The following KL variants were observed in gnomAD, a reference collection of about 807,000 sequenced individuals.
KL encodes klotho.
KL carries 62 observed loss-of-function variants against 84.2 expected under a neutral mutation model. The observed-to-expected ratio is 0.74, with a 90% confidence interval of 0.60 to 0.91. The LOEUF is 0.91. KL is among the 40% of genes least tolerant of loss of function. KL has a pLI of 0.00. For synonymous variants in KL, 528 were observed against 528.0 expected (o/e 1.00, Z 0.00); for missense variants, 1,261 against 1,305.7 (o/e 0.97, Z 0.53).
At chr13:33,044,640 C>CTTTTT (rs71071071) in intron 1 of KL, among the ~76,000 whole-genome samples, 654 of 52,714 alleles carry the variant, frequency 0.012, 188 homozygotes, top group Middle Eastern at 0.068. Context: ...AATTGATTTT[C>CTTTTT]TTTTTTTTTT....
In KL at chr13:33,024,513, G is replaced by A. The variant is rs73458901; in HGVS notation, c.819+7254G>A. On this transcript the variant is annotated intron_variant, in intron 1 of 4. Transcript: ENST00000380099. Reference sequence around the variant, plus strand: ...GAGTGGTTGGAGTTCTCCCTGTGCCGGACCCTGTAGAGAGTCCAGAGCCCT... The same window carrying A: ...GAGTGGTTGGAGTTCTCCCTGTGCCAGACCCTGTAGAGAGTCCAGAGCCCT... Among the ~76,000 whole-genome samples, 875 of 152,238 alleles carry A rather than the reference G, an allele frequency of 5.7e-3. 12 individuals carry two copies. The highest frequency in any genetic ancestry group is 0.02 in the African/African-American group (813 of 41,524).
At chr13:33,053,204 G>C (rs193025437) in intron 1 of KL, among the ~76,000 whole-genome samples, 5 of 152,192 alleles carry the variant, frequency 3.3e-5, no homozygotes, top group Admixed American at 2.6e-4. Context: ...AGATGCTGGA[G>C]TGGGTTCTTT....
At position 33,016,819 on chromosome 13, in the gene KL, G is replaced by T. The variant is rs959288076; in HGVS notation, c.379G>T (p.Asp127Tyr). 1 of 1,612,776 alleles carries T rather than the reference G, an allele frequency of 6.2e-7. No homozygotes were observed. Among genetic ancestry groups the T allele is most frequent in the Non-Finnish European group, 8.5e-7 (1 of 1,179,808 alleles). Reference protein sequence around the residue: ...LQPATGDVASDSYNNVFRDTE... With the variant: ...LQPATGDVASYSYNNVFRDTE... ...GCCCGCCACCGGGGACGTAGCCAGCGACAGCTACAACAACGTCTTCCGCGA... is the reference window on the plus strand; with the variant it reads ...GCCCGCCACCGGGGACGTAGCCAGCTACAGCTACAACAACGTCTTCCGCGA... Residue 127 changes from aspartate to tyrosine, a missense_variant, in exon 1 of 5, where the codon GAC becomes TAC. Physicochemically the swap from Asp to Tyr is radical, Grantham distance 160. Coordinates refer to ENST00000380099, the MANE Select transcript of KL (RefSeq NM_004795.4).
intron 1 of KL, among the ~76,000 whole-genome samples, chr13:33,050,686 C>A (rs768107692): frequency 6.6e-6 from 1 of 152,164 alleles, no homozygotes; most frequent in African/African-American, 2.4e-5. Flanking sequence ...CTGGGATGAC[C>A]ACCAAGTTAG....
At chr13:33,048,086 A>G (rs2772366) in intron 1 of KL, among the ~76,000 whole-genome samples, 100,888 of 151,732 alleles carry the variant, frequency 0.66, 34,019 homozygotes, top group Admixed American at 0.76. Flanking sequence ...TGCTAATCCC[A>G]ATGTCTGGGA....
At chr13:33,059,565 C>T (rs1043413207) in intron 3 of KL, among the ~76,000 whole-genome samples, 30 of 152,070 alleles carry the variant, frequency 2.0e-4, no homozygotes, top group African/African-American at 5.8e-4. Context: ...CTCTGCCTCC[C>T]GGGTTCAAGT....
At chr13:33,032,225 C>T (rs1257038080) in intron 1 of KL, among the ~76,000 whole-genome samples, 3 of 152,218 alleles carry the variant, frequency 2.0e-5, no homozygotes, top group Non-Finnish European at 4.4e-5. Flanking sequence ...ATCATTACAT[C>T]ATTACAAAAA....
At position 33,016,769 on chromosome 13, in the gene KL, C is replaced by T. The variant is rs1262133186; in HGVS notation, c.329C>T (p.Pro110Leu). Reference protein sequence around the residue: ...PPGDSRNASLPLGAPSPLQPA... With the variant: ...PPGDSRNASLLLGAPSPLQPA... The stretch of plus-strand genomic sequence containing the variant: ...GGAGACTCCCGGAACGCCAGTCTGC[C>T]GTTGGGCGCCCCGTCGCCGCTGCAG... Residue 110 changes from proline to leucine, a missense_variant, in exon 1 of 5, where the codon CCG (proline) becomes CTG (leucine). By Grantham distance (98) the Pro-to-Leu change is moderately conservative. Coordinates refer to ENST00000380099, the MANE Select transcript of KL (RefSeq NM_004795.4). The T allele has an allele frequency of 1.2e-6, 2 of 1,611,844 alleles. No homozygotes were observed. Among genetic ancestry groups the T allele is most frequent in the Non-Finnish European group, 1.7e-6 (2 of 1,179,474 alleles).
intron 1 of KL, among the ~76,000 whole-genome samples, chr13:33,020,735 C>A (rs1236212250): frequency 6.6e-6 from 1 of 152,198 alleles, no homozygotes; most frequent in East Asian, 1.9e-4. Flanking sequence ...TTATCTATGA[C>A]TACGATGGAG....
chr13:33,035,881 G>A (rs1038803234), intron 1 of KL, among the ~76,000 whole-genome samples: 1 of 152,174 alleles, frequency 6.6e-6, no homozygotes, highest in Non-Finnish European at 1.5e-5. Context: ...GAAGCAAGAA[G>A]CTCAATCTCT....
rs200295310 is a variant in KL, at chr13:33,064,142, C to A, written c.2995C>A (p.Leu999Ile). The stretch of plus-strand genomic sequence containing the variant: ...TTTTGCTTCTATTATTTCTCTCTCC[C>A]TTATATTTTACTACTCGAAGAAAGG... ...LFFASIISLS[L>I]IFYYSKKGRR... Residue 999 changes from leucine (L) to isoleucine (I), a missense_variant, in exon 5 of 5, where the codon CTT (leucine) becomes ATT (isoleucine). Coordinates refer to ENST00000380099, the MANE Select transcript of KL (RefSeq NM_004795.4). 4.2e-5 allele frequency: 68 copies of A among 1,612,590 alleles called. No individual in the cohort carries two copies. The Middle Eastern group carries it at 8.2e-4, about 20-fold the overall frequency.
intron 1 of KL, among the ~76,000 whole-genome samples, chr13:33,030,311 A>G (rs916557615): frequency 2.6e-5 from 4 of 152,144 alleles, no homozygotes; most frequent in African/African-American, 9.7e-5. Context: ...AAATTTTCTG[A>G]GCTAAGTTTG....
intron 2 of KL, 38 bp downstream of exon 2, chr13:33,054,315 T>C (rs370513967): frequency 7.5e-6 from 12 of 1,591,746 alleles, no homozygotes; most frequent in Non-Finnish European, 1.0e-5. Flanking sequence ...CCTGCCAAAA[T>C]CTTCTGGAAA....
chr13:33,048,299 C>T (rs1871613467), intron 1 of KL, among the ~76,000 whole-genome samples: 1 of 152,162 alleles, frequency 6.6e-6, no homozygotes, highest in African/African-American at 2.4e-5. Flanking sequence ...ACCAGATTTA[C>T]TTGATGTGGC....
intron 1 of KL, among the ~76,000 whole-genome samples, chr13:33,029,150 T>C (rs1159650751): frequency 1.3e-5 from 2 of 152,266 alleles, no homozygotes; most frequent in African/African-American, 4.8e-5. Context: ...TAAATATTAA[T>C]TTTGCTAGTT....
Position 33,061,064 on chromosome 13 carries a change from C to G in KL, c.1985C>G (p.Thr662Ser), listed in dbSNP as rs776007798. Reference sequence around the variant, plus strand: ...CAGGGCGCCTGGGAGAACCCCTACACTGCCCTGGCCTTTGCAGAGTATGCC... The same window carrying G: ...CAGGGCGCCTGGGAGAACCCCTACAGTGCCCTGGCCTTTGCAGAGTATGCC... ...ARQGAWENPY[T>S]ALAFAEYARL... Residue 662 changes from threonine (T) to serine (S), a missense_variant, in exon 4 of 5, where the codon ACT becomes AGT. Transcript: ENST00000380099. 9 of 1,611,618 alleles carry G rather than the reference C, an allele frequency of 5.6e-6. No homozygotes were observed. Among genetic ancestry groups the G allele is most frequent in the Non-Finnish European group, 6.8e-6 (8 of 1,178,224 alleles).
intron 1 of KL, among the ~76,000 whole-genome samples, chr13:33,037,775 G>A (rs537486432): frequency 2.4e-4 from 36 of 152,136 alleles, no homozygotes; most frequent in Non-Finnish European, 4.7e-4. Context: ...ACTGGAGGAT[G>A]AGACATGTGG....
chr13:33,049,569 A>G (rs1398541593), intron 1 of KL, among the ~76,000 whole-genome samples: 1 of 152,194 alleles, frequency 6.6e-6, no homozygotes, highest in Non-Finnish European at 1.5e-5. Flanking sequence ...TGAGTTTTAA[A>G]GTGGGTGTAA....
At chr13:33,042,191 C>T (rs1871363016) in intron 1 of KL, among the ~76,000 whole-genome samples, 1 of 151,996 alleles carries the variant, frequency 6.6e-6, no homozygotes, top group Non-Finnish European at 1.5e-5. Flanking sequence ...AATAGCTTTG[C>T]CAATGACTAA....
Sources: allele counts gnomAD v4.1 joint callset (sites outside exome capture counted in the v4.1 genomes callset), GRCh38; gene constraint gnomAD v4.1.1; transcripts MANE v1.5; gene names NCBI Gene and HGNC (gene_info 2026-07-23, HGNC 2026-07-21).